SND1: variants seen among roughly 807,000 people sequenced by gnomAD.
SND1 encodes the protein staphylococcal nuclease and tudor domain containing 1.
In SND1, 38 loss-of-function variants were observed where a neutral mutation model predicts 121.7. The ratio of observed to expected loss-of-function variants is 0.31; its 90% CI spans 0.24 to 0.41. SND1 has a LOEUF of 0.41. Ranked by LOEUF, SND1 falls within the 10% of genes least tolerant of loss-of-function variation. The probability of loss-of-function intolerance (pLI) is 1.00; values close to 1 mark genes in which losing one functional copy is unlikely to be tolerated. For synonymous variants in SND1, 401 were observed against 447.4 expected (o/e 0.90, Z 1.31); for missense variants, 868 against 1,184.6 (o/e 0.73, Z 3.92).
chr7:127,672,042 G>A (rs11977012), intron 1 of SND1, among the ~76,000 whole-genome samples: 17,088 of 152,240 alleles, frequency 0.11, 1,180 homozygotes, highest in Admixed American at 0.22. Context: ...CACTTTGTGC[G>A]TGTACATGCC....
intron 12 of SND1, among the ~76,000 whole-genome samples, chr7:127,875,937 T>A (rs986928589): frequency 6.6e-6 from 1 of 152,178 alleles, no homozygotes; most frequent in African/African-American, 2.4e-5. Flanking sequence ...TTACAAGCTT[T>A]GTAACCTTTC....
chr7:127,967,147 G>C (rs1322376160), intron 15 of SND1, among the ~76,000 whole-genome samples: 3 of 152,168 alleles, frequency 2.0e-5, no homozygotes, highest in African/African-American at 7.2e-5. Flanking sequence ...GTGTTGCACA[G>C]TCATTAGATC....
intron 10 of SND1, among the ~76,000 whole-genome samples, chr7:127,733,317 T>C (rs1796714004): frequency 6.6e-6 from 1 of 152,208 alleles, no homozygotes; most frequent in Admixed American, 6.5e-5. Flanking sequence ...CTTAATGCAG[T>C]AGAGGACTGG....
intron 16 of SND1, chr7:128,028,528 C>T (rs964467136): frequency 1.2e-5 from 8 of 670,270 alleles, no homozygotes; most frequent in African/African-American, 1.1e-4. Context: ...GACTTTTTGT[C>T]TTTAAATTTT....
intron 15 of SND1, among the ~76,000 whole-genome samples, chr7:127,972,481 C>T (rs543544646): frequency 6.6e-6 from 1 of 152,192 alleles, no homozygotes. Context: ...TGGTCTCAAG[C>T]TCCTGGGATC....
chr7:127,874,128 A>G (rs889190867), intron 12 of SND1, among the ~76,000 whole-genome samples: 5 of 152,234 alleles, frequency 3.3e-5, no homozygotes, highest in Middle Eastern at 3.4e-3. Context: ...TCTATTTTGT[A>G]TTACTCTCCA....
intron 16 of SND1, among the ~76,000 whole-genome samples, chr7:128,057,755 G>A (rs1793166597): frequency 6.6e-6 from 1 of 152,128 alleles, no homozygotes; most frequent in Non-Finnish European, 1.5e-5. Flanking sequence ...GCAATAAAAG[G>A]AACAGAAAAA....
intron 14 of SND1, among the ~76,000 whole-genome samples, chr7:127,922,544 T>A (rs1379810541): frequency 6.6e-6 from 1 of 152,114 alleles, no homozygotes; most frequent in Non-Finnish European, 1.5e-5. Flanking sequence ...TAAAAGTGTT[T>A]GTAGATGTCT....
chr7:127,964,423 A>AT (rs1440762147), intron 15 of SND1, among the ~76,000 whole-genome samples: 1 of 147,296 alleles, frequency 6.8e-6, no homozygotes, highest in Non-Finnish European at 1.5e-5. Context: ...TCTTGAATTG[A>AT]TTTTTGTATA....
intron 10 of SND1, among the ~76,000 whole-genome samples, chr7:127,800,885 A>G (rs1314152805): frequency 6.6e-6 from 1 of 152,102 alleles, no homozygotes; most frequent in Non-Finnish European, 1.5e-5. Context: ...ATAATATACT[A>G]TTGTTTGTAT....
At chr7:128,003,225 A>G (rs923840332) in intron 16 of SND1, among the ~76,000 whole-genome samples, 1 of 152,192 alleles carries the variant, frequency 6.6e-6, no homozygotes, top group African/African-American at 2.4e-5. Flanking sequence ...AGAAGAAAAA[A>G]ATGAAAATGA....
intron 16 of SND1, chr7:128,028,929 A>G (rs982368983): frequency 6.2e-7 from 1 of 1,610,678 alleles, no homozygotes; most frequent in Non-Finnish European, 8.5e-7. Flanking sequence ...GTCTTCGTCC[A>G]CCTGGATTAT....
At chr7:128,089,158 G>A (rs1274388072) in intron 21 of SND1, among the ~76,000 whole-genome samples, 8 of 152,218 alleles carry the variant, frequency 5.3e-5, no homozygotes, top group South Asian at 4.1e-4. Context: ...AGCTTCAAGC[G>A]ATTCTCGTGC....
chr7:127,772,264 AGATTT>A (rs1797525915), intron 10 of SND1, among the ~76,000 whole-genome samples: 1 of 152,242 alleles, frequency 6.6e-6, no homozygotes, highest in Non-Finnish European at 1.5e-5. Flanking sequence ...AGCCAAAATT[AGATTT>A]AAGTACTCAG....
chr7:127,833,874 C>T (rs995953896), intron 11 of SND1, among the ~76,000 whole-genome samples: 2 of 152,200 alleles, frequency 1.3e-5, no homozygotes, highest in African/African-American at 2.4e-5. Flanking sequence ...ATCTCTCCAT[C>T]CCCTGTCAAC....
intron 16 of SND1, among the ~76,000 whole-genome samples, chr7:127,992,107 A>G (rs1802536522): frequency 6.6e-6 from 1 of 152,156 alleles, no homozygotes; most frequent in East Asian, 1.9e-4. Context: ...AGCTACAACA[A>G]TCTGGGTATC....
At chr7:127,861,572 T>G (rs1240499973) in intron 12 of SND1, among the ~76,000 whole-genome samples, 1 of 152,140 alleles carries the variant, frequency 6.6e-6, no homozygotes, top group Non-Finnish European at 1.5e-5. Flanking sequence ...ACTCCCAGGT[T>G]TAAGTGATTC....
intron 10 of SND1, among the ~76,000 whole-genome samples, chr7:127,747,638 C>G (rs999799668): frequency 1.3e-5 from 2 of 152,128 alleles, no homozygotes; most frequent in Non-Finnish European, 2.9e-5. Flanking sequence ...ACATATTTGA[C>G]AAGACTGAAC....
At chr7:127,897,702 C>T (rs1419070797) in intron 13 of SND1, among the ~76,000 whole-genome samples, 2 of 152,090 alleles carry the variant, frequency 1.3e-5, no homozygotes, top group East Asian at 3.9e-4. Flanking sequence ...GAAGTTATTC[C>T]TCATGGCATT....
Sources: gnomAD v4.1 joint callset for allele counts (sites outside exome capture counted in the v4.1 genomes callset) on GRCh38, gnomAD v4.1.1 for gene constraint, MANE v1.5 for transcripts, NCBI Gene and HGNC (gene_info 2026-07-23, HGNC 2026-07-21) for gene names.